Variants in SCRG1 observed in about 807,000 individuals in gnomAD.
The protein encoded by SCRG1 is scrapie-responsive protein 1.
SCRG1 carries 3 observed loss-of-function variants against 7.7 expected under a neutral mutation model. That is an observed-to-expected ratio of 0.39 (90% CI 0.18 to 1.01). The LOEUF is 1.01. Among genes scored for constraint, SCRG1 ranks in the 50% least tolerant of loss-of-function variants. The probability of loss-of-function intolerance (pLI) is 0.36; values close to 1 mark genes in which losing one functional copy is unlikely to be tolerated. For synonymous variants in SCRG1, 46 were observed against 41.2 expected (o/e 1.12, Z -0.44); for missense variants, 110 against 117.2 (o/e 0.94, Z 0.28).
At chr4:173,433,184 G>A in the SCRG1 span, among the ~76,000 whole-genome samples, 4 of 152,120 alleles carry the variant, frequency 2.6e-5, no homozygotes, top group Non-Finnish European at 5.9e-5. Context: ...ATTTAGAACA[G>A]TTTGCATGTT....
chr4:173,484,316 A>T, the SCRG1 span, among the ~76,000 whole-genome samples: 4 of 70,854 alleles, frequency 5.6e-5, no homozygotes, highest in Non-Finnish European at 7.4e-5. Context: ...TATATTATAT[A>T]TTTTATACAT....
the SCRG1 span, among the ~76,000 whole-genome samples, chr4:173,480,555 G>A: frequency 6.6e-6 from 1 of 151,986 alleles, no homozygotes; most frequent in African/African-American, 2.4e-5. Context: ...TACATGCATT[G>A]AAACATCACA....
chr4:173,417,254 A>C, the SCRG1 span, among the ~76,000 whole-genome samples: 1 of 152,224 alleles, frequency 6.6e-6, no homozygotes, highest in African/African-American at 2.4e-5. Context: ...AAGCATCTAC[A>C]GGCATGTTTT....
the SCRG1 span, among the ~76,000 whole-genome samples, chr4:173,431,633 G>A: frequency 6.6e-6 from 1 of 152,212 alleles, no homozygotes. Flanking sequence ...TCAATGCCTT[G>A]AACCATAGAT....
the SCRG1 span, among the ~76,000 whole-genome samples, chr4:173,418,124 C>CAT: frequency 1.2e-4 from 19 of 152,166 alleles, no homozygotes; most frequent in Non-Finnish European, 2.4e-4. Context: ...TCAGTAAGGT[C>CAT]ATATTGTATT....
the SCRG1 span, among the ~76,000 whole-genome samples, chr4:173,421,819 G>A: frequency 6.6e-6 from 1 of 152,142 alleles, no homozygotes; most frequent in African/African-American, 2.4e-5. Flanking sequence ...ATCACTGTTG[G>A]AAGACTTTCC....
At chr4:173,473,094 T>C in the SCRG1 span, among the ~76,000 whole-genome samples, 1 of 152,194 alleles carries the variant, frequency 6.6e-6, no homozygotes, top group Non-Finnish European at 1.5e-5. Flanking sequence ...CCTAAAAAAG[T>C]AGCCCCCACT....
At chr4:173,447,991 C>G in the SCRG1 span, among the ~76,000 whole-genome samples, 1 of 152,176 alleles carries the variant, frequency 6.6e-6, no homozygotes, top group South Asian at 2.1e-4. Flanking sequence ...GTAATCCCAT[C>G]TACTTGGGAG....
At chr4:173,455,105 T>TG in the SCRG1 span, among the ~76,000 whole-genome samples, 1 of 152,022 alleles carries the variant, frequency 6.6e-6, no homozygotes, top group Non-Finnish European at 1.5e-5. Context: ...CATCACCCTC[T>TG]GGGGGCCTCC....
the SCRG1 span, among the ~76,000 whole-genome samples, chr4:173,451,602 T>C: frequency 1.3e-5 from 1 of 79,640 alleles, no homozygotes; most frequent in African/African-American, 3.9e-5. Context: ...GTGGTACCAT[T>C]TTATTTTATT....
chr4:173,490,218 C>T, the SCRG1 span, among the ~76,000 whole-genome samples: 2 of 152,212 alleles, frequency 1.3e-5, no homozygotes, highest in Non-Finnish European at 1.5e-5. Flanking sequence ...ATGAAACACA[C>T]TGGATAATTT....
intron 2 of SCRG1, 146 bp downstream of exon 2, chr4:173,391,027 T>C: frequency 1.3e-6 from 1 of 776,442 alleles, no homozygotes; most frequent in Non-Finnish European, 2.1e-6. Flanking sequence ...CTTTACACAA[T>C]AGTGATTATT....
At chr4:173,434,138 G>A in the SCRG1 span, among the ~76,000 whole-genome samples, 4 of 152,284 alleles carry the variant, frequency 2.6e-5, 1 homozygote, top group African/African-American at 7.2e-5. Context: ...AGGGTGGGAA[G>A]GTGGGTAGAG....
In SCRG1 at chr4:173,388,313, T is replaced by A. The variant is rs747303407; in HGVS notation, c.*28A>T. Reference sequence around the variant, plus strand: ...AGTGCAGTTTGTGGGAAATCAGGAATGGTGTTCTCCAGAATACATGAAGAT... The same window carrying A: ...AGTGCAGTTTGTGGGAAATCAGGAAAGGTGTTCTCCAGAATACATGAAGAT... On this transcript the variant is annotated 3_prime_UTR_variant, in exon 3 of 3. Coordinates refer to ENST00000296506, the MANE Select transcript of SCRG1 (RefSeq NM_007281.4). The A allele has an allele frequency of 8.3e-6, 13 of 1,566,744 alleles. No individual in the cohort carries two copies. In the African/African-American group the frequency reaches 1.6e-4, roughly 20 times the overall value.
At chr4:173,448,143 G>T in the SCRG1 span, among the ~76,000 whole-genome samples, 587 of 152,260 alleles carry the variant, frequency 3.9e-3, no homozygotes, top group Non-Finnish European at 6.2e-3. Flanking sequence ...AAACCCATCA[G>T]GATGGGGGGT....
the SCRG1 span, among the ~76,000 whole-genome samples, chr4:173,466,627 A>AT: frequency 4.9e-4 from 75 of 152,200 alleles, no homozygotes; most frequent in African/African-American, 1.7e-3. Context: ...ATCTGACAAA[A>AT]ACTTAAAGAA....
chr4:173,413,480 T>C, the SCRG1 span, among the ~76,000 whole-genome samples: 1 of 152,164 alleles, frequency 6.6e-6, no homozygotes, highest in East Asian at 1.9e-4. Context: ...CATGCATGCA[T>C]TAAAGTGCCC....
upstream of SCRG1, chr4:173,399,202 G>GTC (rs1739686791): frequency 6.6e-6 from 1 of 152,222 alleles, no homozygotes; most frequent in Non-Finnish European, 1.5e-5. Context: ...TGTCTGCCTT[G>GTC]TCTCTGGCCT....
the SCRG1 span, among the ~76,000 whole-genome samples, chr4:173,484,409 C>T: frequency 4.5e-4 from 29 of 64,600 alleles, no homozygotes; most frequent in African/African-American, 1.4e-3. Flanking sequence ...ATATTATATA[C>T]ATATAATATA....
Sources: gnomAD v4.1 joint callset for allele counts (sites outside exome capture counted in the v4.1 genomes callset) on GRCh38, gnomAD v4.1.1 for gene constraint, MANE v1.5 for transcripts, NCBI Gene and HGNC (gene_info 2026-07-23, HGNC 2026-07-21) for gene names.